Variants in SEMA5A observed in about 807,000 individuals in gnomAD.
SEMA5A encodes semaphorin-5A.
In SEMA5A, 55 loss-of-function variants were observed where a neutral mutation model predicts 135.5. That is an observed-to-expected ratio of 0.41 (90% CI 0.33 to 0.51). The LOEUF (loss-of-function observed/expected upper bound fraction) is 0.51, where lower values mean the gene tolerates loss of function less well. Ranked by LOEUF, SEMA5A falls within the 20% of genes least tolerant of loss-of-function variation. The probability of loss-of-function intolerance (pLI) is 0.37; values close to 1 mark genes in which losing one functional copy is unlikely to be tolerated. For missense variants in SEMA5A, 1,290 were observed against 1,419.9 expected (o/e 0.91, Z 1.47); for synonymous variants, 580 against 546.5 (o/e 1.06, Z -0.85).
chr5:9,303,105 CAT>C (rs1287780408), intron 5 of SEMA5A, among the ~76,000 whole-genome samples: 1 of 149,876 alleles, frequency 6.7e-6, no homozygotes, highest in Non-Finnish European at 1.5e-5. Flanking sequence ...CATACACACA[CAT>C]ATATATATAT....
intron 1 of SEMA5A, among the ~76,000 whole-genome samples, chr5:9,466,143 C>T (rs1360466550): frequency 6.6e-6 from 1 of 151,842 alleles, no homozygotes; most frequent in African/African-American, 2.4e-5. Flanking sequence ...ACCTGGGTAC[C>T]AATGTGGAGA....
At chr5:9,051,688 C>A (rs1736585726) in intron 20 of SEMA5A, among the ~76,000 whole-genome samples, 185 bp downstream of exon 20, 1 of 152,142 alleles carries the variant, frequency 6.6e-6, no homozygotes, top group Admixed American at 6.5e-5. Context: ...AATTCATGAA[C>A]TGAATTCATG....
At position 9,178,903 on chromosome 5, in the gene SEMA5A, T is replaced by C. The variant is rs1579550788; in HGVS notation, c.1273+11364A>G. 3.3e-5 allele frequency among the ~76,000 whole-genome samples: 5 copies of C among 152,308 alleles called. 1 individual carries two copies. In the East Asian group the frequency reaches 9.7e-4, roughly 29 times the overall value. The stretch of plus-strand genomic sequence containing the variant: ...TCCAGGATAAATATCTGTTAAAAAT[T>C]CCTAAGCCTGTGTCTACATTATATA... On this transcript the variant is annotated intron_variant, in intron 11 of 22. Transcript: ENST00000382496.
chr5:9,514,372 G>A (rs1029785388), intron 1 of SEMA5A, among the ~76,000 whole-genome samples: 5 of 152,040 alleles, frequency 3.3e-5, no homozygotes, highest in South Asian at 2.1e-4. Flanking sequence ...GGACAGGGAC[G>A]TCTTTGGAGT....
At chr5:9,265,827 C>T (rs981676611) in intron 5 of SEMA5A, among the ~76,000 whole-genome samples, 2 of 152,166 alleles carry the variant, frequency 1.3e-5, no homozygotes, top group Admixed American at 6.5e-5. Context: ...CTCCAGCAGG[C>T]GCTCTTGAGA....
chr5:9,184,557 C>G (rs979578901), intron 11 of SEMA5A, among the ~76,000 whole-genome samples: 5 of 152,216 alleles, frequency 3.3e-5, no homozygotes, highest in Non-Finnish European at 7.3e-5. Context: ...ACATTTTCCA[C>G]CTTAATCACT....
rs773477813 is a variant in SEMA5A, at chr5:9,384,645, TAGATAG to T, written c.-77-4628_-77-4623del. ...ATAGATAGATAGATAGATAGATAGA[TAGATAG>T]ATAGATAGATATAGATAGATAGATA... On this transcript the variant is annotated intron_variant, in intron 2 of 22. Coordinates refer to ENST00000382496, the MANE Select transcript of SEMA5A (RefSeq NM_003966.3). Among the ~76,000 whole-genome samples the T allele has an allele frequency of 1.7e-4, 17 of 99,314 alleles. 1 individual carries two copies. Among genetic ancestry groups the T allele is most frequent in the African/African-American group, 3.7e-4 (9 of 24,474 alleles). The allele number at this position is 99,314 out of a possible 152,430, so 65.2% of individuals were successfully genotyped here. A position where few individuals can be genotyped will look rare whatever the true frequency, so the allele number is the denominator to read the frequency against.
intron 16 of SEMA5A, among the ~76,000 whole-genome samples, chr5:9,095,165 A>C (rs1739247881): frequency 6.6e-6 from 1 of 152,148 alleles, no homozygotes; most frequent in Non-Finnish European, 1.5e-5. Context: ...CAAACACTAC[A>C]TGTTCTCACT....
chr5:9,296,101 A>G (rs1275862680), intron 5 of SEMA5A, among the ~76,000 whole-genome samples: 5 of 152,224 alleles, frequency 3.3e-5, no homozygotes, highest in Non-Finnish European at 7.3e-5. Context: ...CACAAATACA[A>G]TCATGCCAAT....
intron 11 of SEMA5A, among the ~76,000 whole-genome samples, chr5:9,184,865 A>T (rs1054345331): frequency 3.9e-5 from 6 of 152,120 alleles, no homozygotes; most frequent in African/African-American, 1.4e-4. Context: ...AAGTGACAGG[A>T]CAGGGATGCA....
At chr5:9,291,440 G>T (rs1013567879) in intron 5 of SEMA5A, among the ~76,000 whole-genome samples, 4 of 152,148 alleles carry the variant, frequency 2.6e-5, no homozygotes, top group Admixed American at 1.3e-4. Flanking sequence ...GCCTTAACTG[G>T]CCTGGAAGCT....
intron 4 of SEMA5A, among the ~76,000 whole-genome samples, chr5:9,320,504 G>C (rs894093600): frequency 6.6e-6 from 1 of 152,158 alleles, no homozygotes; most frequent in Non-Finnish European, 1.5e-5. Flanking sequence ...GAGTCCTGGA[G>C]TTCTAGACAG....
chr5:9,279,122 G>A (rs1290028222), intron 5 of SEMA5A, among the ~76,000 whole-genome samples: 8 of 152,230 alleles, frequency 5.3e-5, no homozygotes, highest in South Asian at 4.1e-4. Context: ...GCCAAGGGGC[G>A]TGTACCCTGC....
Position 9,202,144 on chromosome 5 carries a change from G to C in SEMA5A, c.743C>G (p.Ser248Cys). 1.2e-6 allele frequency: 2 copies of C among 1,614,150 alleles called. No individual in the cohort carries two copies. The highest frequency in any genetic ancestry group is 1.7e-6 in the Non-Finnish European group (2 of 1,180,016). Residue 248 changes from serine (S) to cysteine (C), a missense_variant, in exon 9 of 23, where the codon TCC becomes TGC. Physicochemically the swap from Ser to Cys is moderately radical, Grantham distance 112. Transcript: ENST00000382496. ...VEHDCGKTVF[S>C]RAARVCKNDI... ...GTTCTTGCACACCCGGGCAGCTCTG[G>C]AGAACACTGTTTTCCCACAGTCATG...
At chr5:9,202,961 T>C (rs40681) in intron 8 of SEMA5A, among the ~76,000 whole-genome samples, 70,563 of 151,946 alleles carry the variant, frequency 0.46, 16,774 homozygotes, top group East Asian at 0.55. Context: ...TCATAATTAG[T>C]TTTAAAATGG....
chr5:9,377,975 A>G (rs1295855864), intron 3 of SEMA5A, among the ~76,000 whole-genome samples: 1 of 152,238 alleles, frequency 6.6e-6, no homozygotes, highest in African/African-American at 2.4e-5. Context: ...AGAAGAGTCC[A>G]GAAGCTGCTC....
At chr5:9,496,120 C>G (rs1735286923) in intron 1 of SEMA5A, among the ~76,000 whole-genome samples, 2 of 152,228 alleles carry the variant, frequency 1.3e-5, no homozygotes, top group Admixed American at 6.5e-5. Context: ...TCTCGGCTCA[C>G]TGTAACCTCT....
chr5:9,122,425 A>T (rs1469574467), intron 14 of SEMA5A, among the ~76,000 whole-genome samples: 1 of 152,264 alleles, frequency 6.6e-6, no homozygotes, highest in Non-Finnish European at 1.5e-5. Context: ...TCCAAATTGT[A>T]AATACTTTTC....
chr5:9,193,278 G>A (rs960822361), intron 10 of SEMA5A, among the ~76,000 whole-genome samples: 4 of 151,888 alleles, frequency 2.6e-5, no homozygotes, highest in African/African-American at 7.3e-5. Context: ...TGTCCGTGTG[G>A]GGCACTGTGT....
Sources: allele counts gnomAD v4.1 joint callset (sites outside exome capture counted in the v4.1 genomes callset), GRCh38; gene constraint gnomAD v4.1.1; transcripts MANE v1.5; gene names NCBI Gene and HGNC (gene_info 2026-07-23, HGNC 2026-07-21).